Variants in VPS13A observed in about 807,000 individuals in gnomAD.
The protein encoded by VPS13A is intermembrane lipid transfer protein VPS13A.
A neutral mutation model predicts 390.9 loss-of-function variants in VPS13A; 264 were observed. That is an observed-to-expected ratio of 0.68 (90% CI 0.61 to 0.75). The LOEUF (loss-of-function observed/expected upper bound fraction) is 0.75. VPS13A is among the 30% of genes least tolerant of loss of function. The pLI is 0.00. For synonymous variants in VPS13A, 1,231 were observed against 1,227.1 expected, an observed-to-expected ratio of 1.00 and a Z score of -0.07; for missense variants, 3,409 against 3,733.9, an observed-to-expected ratio of 0.91 and a Z score of 2.27.
At chr9:77,235,884 G>C (rs966879385) in intron 17 of VPS13A, among the ~76,000 whole-genome samples, 2 of 152,048 alleles carry the variant, frequency 1.3e-5, no homozygotes, top group African/African-American at 4.8e-5. Context: ...ATTTTAGAAT[G>C]GTGCGAAAGT....
In VPS13A at chr9:77,339,917, C is replaced by T. The variant is rs762069879; in HGVS notation, c.6774+6C>T. 2.6e-5 allele frequency: 42 copies of T among 1,607,478 alleles called. No homozygotes were observed. The highest frequency in any genetic ancestry group is 2.9e-5 in the Non-Finnish European group (34 of 1,179,584). ...ACTTTTTTAATAACAATAAGGTATG[C>T]GATGTTTATTCTGTTTTTCCCTTGT... On this transcript the variant is annotated splice_donor_region_variant and intron_variant, in intron 48 of 71. Transcript: ENST00000360280.
chr9:77,356,847 C>T lies in VPS13A; in HGVS notation c.7786C>T (p.Gln2596Ter). The T allele has an allele frequency of 1.2e-6, 2 of 1,613,770 alleles. No individual in the cohort carries two copies. Among genetic ancestry groups the T allele is most frequent in the Non-Finnish European group, 1.7e-6 (2 of 1,179,924 alleles). ...ESSPSEDKVI[Q>*]LDTNVPVRLT... ...TTCTCCTTCAGAAGATAAGGTTATT[C>T]AGTTGGACACTAATGTTCCGGTAAT... Residue 2596 changes from glutamine to a stop codon, truncating the protein, a stop_gained, in exon 55 of 72, where the codon CAG becomes TAG. Transcript: ENST00000360280. LOFTEE classifies it high-confidence loss of function.
At chr9:77,229,564 C>G (rs1255591351) in intron 17 of VPS13A, among the ~76,000 whole-genome samples, 1 of 152,140 alleles carries the variant, frequency 6.6e-6, no homozygotes, top group Non-Finnish European at 1.5e-5. Flanking sequence ...TTTCACTTAG[C>G]ATGATGTTTT....
Position 77,357,848 on chromosome 9 carries a change from T to C in VPS13A, c.7953+10T>C, listed in dbSNP as rs772218364. On this transcript the variant is annotated intron_variant, in intron 56 of 71. Transcript: ENST00000360280. ...GATTTACAGAATACAGGTAAGTCTT[T>C]CTGAAAATATAGGCAAAATTGTATT... 1 of 1,611,996 alleles carries C rather than the reference T, an allele frequency of 6.2e-7. No individual in the cohort carries two copies. The highest frequency in any genetic ancestry group is 8.5e-7 in the Non-Finnish European group (1 of 1,178,886).
At chr9:77,365,113 C>T (rs1832364230) in intron 59 of VPS13A, among the ~76,000 whole-genome samples, 1 of 152,070 alleles carries the variant, frequency 6.6e-6, no homozygotes, top group African/African-American at 2.4e-5. Flanking sequence ...AAGTAGACTA[C>T]AAAATACAAG....
chr9:77,386,495 C>T (rs12686766), intron 68 of VPS13A, among the ~76,000 whole-genome samples: 58,438 of 145,900 alleles, frequency 0.4, 11,484 homozygotes, highest in South Asian at 0.52. Flanking sequence ...AAGAATTTAT[C>T]GGAAAAAAAA....
intron 17 of VPS13A, among the ~76,000 whole-genome samples, chr9:77,235,249 C>T (rs556474005): frequency 1.3e-5 from 2 of 152,252 alleles, no homozygotes; most frequent in East Asian, 1.9e-4. Flanking sequence ...GACAGACAGA[C>T]TCAGTTTTTG....
rs377140311 is a variant in VPS13A at position 77,243,069 on chromosome 9, C to T, written c.1901-4190C>T. Among the ~76,000 whole-genome samples the T allele has an allele frequency of 5.5e-4, 83 of 152,092 alleles. No individual in the cohort carries two copies. The South Asian group carries it at 0.014, about 26-fold the overall frequency. On this transcript the variant is annotated intron_variant, in intron 19 of 71. Coordinates refer to ENST00000360280, the MANE Select transcript of VPS13A (RefSeq NM_033305.3). ...AAATTTACCTATTTGTGAAGAGACT[C>T]ATATATATTATAATGATTCTGGTTA...
intron 23 of VPS13A, among the ~76,000 whole-genome samples, chr9:77,265,236 G>A (rs1825970778): frequency 6.6e-6 from 1 of 152,162 alleles, no homozygotes; most frequent in Admixed American, 6.5e-5. Flanking sequence ...ACGTTCATCA[G>A]GGATATTAGC....
At chr9:77,340,783 A>G (rs1047830746) in intron 50 of VPS13A, 14 of 480,618 alleles carry the variant, frequency 2.9e-5, no homozygotes, top group Non-Finnish European at 1.5e-5. Flanking sequence ...ACGTTTAACA[A>G]TTACTAACCA....
At chr9:77,408,066 TTTTGTCCTTC>T (rs1395533968) in intron 71 of VPS13A, among the ~76,000 whole-genome samples, 2 of 152,182 alleles carry the variant, frequency 1.3e-5, no homozygotes, top group African/African-American at 4.8e-5. Context: ...TGAATACTGA[TTTTGTCCTTC>T]TTGACTATAG....
At chr9:77,384,986 A>G (rs998308713) in intron 68 of VPS13A, 1 of 1,084,570 alleles carries the variant, frequency 9.2e-7, no homozygotes, top group Non-Finnish European at 1.1e-6. Context: ...TTTGATGTTC[A>G]CTGGTTTTAT....
At chr9:77,345,902 A>G (rs2131525937) in intron 52 of VPS13A, among the ~76,000 whole-genome samples, 1 of 152,260 alleles carries the variant, frequency 6.6e-6, no homozygotes, top group East Asian at 1.9e-4. Flanking sequence ...TCTCTCATCT[A>G]TTTAAGATGT....
intron 33 of VPS13A, among the ~76,000 whole-genome samples, chr9:77,296,768 AC>A (rs776342673): frequency 1.3e-5 from 2 of 152,190 alleles, no homozygotes; most frequent in Non-Finnish European, 2.9e-5. Context: ...GGTAGAATTT[AC>A]CAGCGAAGCC....
intron 10 of VPS13A, 31 bp from the exon 11 acceptor site, chr9:77,219,923 C>CA (rs775342375): frequency 1.2e-6 from 2 of 1,608,820 alleles, no homozygotes; most frequent in South Asian, 1.1e-5. Flanking sequence ...AAATATAACT[C>CA]AGTTTTTTTT....
chr9:77,311,399 C>T (rs1245871081), intron 35 of VPS13A, among the ~76,000 whole-genome samples: 1 of 152,148 alleles, frequency 6.6e-6, no homozygotes, highest in Non-Finnish European at 1.5e-5. Flanking sequence ...AACATCATCA[C>T]CCTAAATATT....
At position 77,185,832 on chromosome 9, in the gene VPS13A, A is replaced by G. The variant is rs145959013; in HGVS notation, c.100+8028A>G. 6.7e-4 allele frequency among the ~76,000 whole-genome samples: 102 copies of G among 152,302 alleles called. 1 individual carries two copies. The highest frequency in any genetic ancestry group is 2.3e-3 in the African/African-American group (94 of 41,556). On this transcript the variant is annotated intron_variant, in intron 1 of 71. Coordinates refer to ENST00000360280, the MANE Select transcript of VPS13A (RefSeq NM_033305.3). ...TTAAAACTAGTCCAAGTCCACGTCC[A>G]AATAACATTATAGGTCAGGTATAGT...
At chr9:77,236,792 G>A (rs11145354) in intron 17 of VPS13A, among the ~76,000 whole-genome samples, 26,398 of 152,166 alleles carry the variant, frequency 0.17, 2,970 homozygotes, top group East Asian at 0.39. Flanking sequence ...TCTTAGCTGC[G>A]CCCATATTAA....
At chr9:77,363,404 A>ATTTTTTTTTTT (rs61370510) in intron 59 of VPS13A, among the ~76,000 whole-genome samples, 2 of 78,354 alleles carry the variant, frequency 2.6e-5, no homozygotes, top group Non-Finnish European at 2.9e-5. Context: ...TTTTTTTTTT[A>ATTTTTTTTTTT]TTTTTTTTTT....
Sources: gnomAD v4.1 joint callset for allele counts (sites outside exome capture counted in the v4.1 genomes callset) on GRCh38, gnomAD v4.1.1 for gene constraint, MANE v1.5 for transcripts, NCBI Gene and HGNC (gene_info 2026-07-23, HGNC 2026-07-21) for gene names.